The following ADCY2 variants were observed in gnomAD, a reference collection of about 807,000 sequenced individuals.
The protein encoded by ADCY2 is adenylate cyclase type 2.
In ADCY2, 31 loss-of-function variants were observed where a neutral mutation model predicts 125.2. That is an observed-to-expected ratio of 0.25 (90% CI 0.19 to 0.33). The LOEUF is 0.33. ADCY2 is among the 10% of genes least tolerant of loss of function. The pLI, the probability that ADCY2 is intolerant of heterozygous loss-of-function variation, is 1.00. For synonymous variants in ADCY2, 512 were observed against 548.4 expected (o/e 0.93, Z 0.93); for missense variants, 904 against 1,418.2 (o/e 0.64, Z 5.82).
intron 23 of ADCY2, 143 bp from the exon 24 acceptor site, chr5:7,820,422 A>T: frequency 1.0e-6 from 1 of 976,882 alleles, no homozygotes; most frequent in Non-Finnish European, 1.5e-6. Flanking sequence ...TGAGCCTGGG[A>T]GGTGAAGGTT....
intron 7 of ADCY2, among the ~76,000 whole-genome samples, chr5:7,699,413 A>T (rs1445117614): frequency 6.6e-6 from 1 of 151,812 alleles, no homozygotes; most frequent in African/African-American, 2.4e-5. Context: ...CATTTTTTTT[A>T]ACTGTCTAAC....
chr5:7,463,166 C>A (rs1419868546), intron 2 of ADCY2, among the ~76,000 whole-genome samples: 8 of 152,088 alleles, frequency 5.3e-5, no homozygotes, highest in Non-Finnish European at 7.4e-5. Flanking sequence ...CTTTTGAAAC[C>A]AAATACAGTA....
intron 4 of ADCY2, among the ~76,000 whole-genome samples, chr5:7,640,454 T>C (rs753903296): frequency 3.3e-5 from 5 of 152,314 alleles, no homozygotes; most frequent in Non-Finnish European, 5.9e-5. Flanking sequence ...TATAGAGCAA[T>C]GTACTTCATC....
At chr5:7,421,579 A>G (rs1011069446) in intron 2 of ADCY2, among the ~76,000 whole-genome samples, 2 of 152,208 alleles carry the variant, frequency 1.3e-5, no homozygotes, top group African/African-American at 4.8e-5. Context: ...TACAGTCACA[A>G]GTACTGGGGT....
At chr5:7,677,464 G>A (rs1740171813) in intron 4 of ADCY2, among the ~76,000 whole-genome samples, 1 of 152,250 alleles carries the variant, frequency 6.6e-6, no homozygotes, top group Admixed American at 6.5e-5. Context: ...CAGGAAATAG[G>A]GTAGTGACTG....
chr5:7,714,142 A>G (rs948169490), intron 11 of ADCY2, among the ~76,000 whole-genome samples: 4 of 152,224 alleles, frequency 2.6e-5, no homozygotes, highest in Non-Finnish European at 5.9e-5. Flanking sequence ...TACTGTAATA[A>G]AGAGAACTTA....
intron 14 of ADCY2, among the ~76,000 whole-genome samples, chr5:7,730,032 T>A (rs979557488): frequency 2.0e-4 from 31 of 152,084 alleles, no homozygotes; most frequent in Non-Finnish European, 3.4e-4. Flanking sequence ...TGCACTCCTC[T>A]CCTACCCTTC....
At chr5:7,628,082 G>A (rs1003998399) in intron 4 of ADCY2, among the ~76,000 whole-genome samples, 3 of 152,068 alleles carry the variant, frequency 2.0e-5, no homozygotes, top group Non-Finnish European at 4.4e-5. Context: ...TTTCAGTAAC[G>A]TTTTACATCT....
chr5:7,698,184 C>T (rs1740956308), intron 6 of ADCY2, 63 bp from the exon 7 acceptor site: 2 of 1,601,240 alleles, frequency 1.2e-6, no homozygotes, highest in Non-Finnish European at 1.7e-6. Flanking sequence ...GATGATATTA[C>T]ATGAATCTAG....
chr5:7,696,199 A>G (rs955496742), intron 6 of ADCY2, among the ~76,000 whole-genome samples: 2 of 152,192 alleles, frequency 1.3e-5, no homozygotes, highest in African/African-American at 2.4e-5. Context: ...TCTTTTAGGC[A>G]TTTCCATGTC....
chr5:7,513,441 A>C lies in ADCY2; in HGVS notation c.409-7297A>C, dbSNP rs183276991. 4.4e-3 allele frequency among the ~76,000 whole-genome samples: 669 copies of C among 152,318 alleles called. 4 individuals are homozygous for C. The highest frequency in any genetic ancestry group is 0.015 in the South Asian group (71 of 4,816). The stretch of plus-strand genomic sequence containing the variant: ...GCAGATTTTGTTATCGAAAATGTTA[A>C]AGTACATTTCCACTATACAGCTTTC... On this transcript the variant is annotated intron_variant, in intron 2 of 24. Transcript: ENST00000338316.
chr5:7,721,202 G>C (rs574117010), intron 12 of ADCY2, among the ~76,000 whole-genome samples: 1 of 152,310 alleles, frequency 6.6e-6, no homozygotes, highest in African/African-American at 2.4e-5. Context: ...CTTCTTTTGA[G>C]AAGTGTCTGT....
At chr5:7,456,654 C>T (rs1356949890) in intron 2 of ADCY2, among the ~76,000 whole-genome samples, 1 of 152,086 alleles carries the variant, frequency 6.6e-6, no homozygotes, top group East Asian at 1.9e-4. Flanking sequence ...CTATTCTTTA[C>T]ACTGTTTTAA....
chr5:7,742,133 A>ACCCCC lies in ADCY2; in HGVS notation c.1872-1535_1872-1534insCCCCC, dbSNP rs1268219120. Among the ~76,000 whole-genome samples the ACCCCC allele has an allele frequency of 6.6e-3, 1,008 of 151,880 alleles. 5 individuals are homozygous for ACCCCC. Among genetic ancestry groups the ACCCCC allele is most frequent in the Non-Finnish European group, 0.011 (721 of 67,932 alleles). On this transcript the variant is annotated intron_variant, in intron 14 of 24. Transcript: ENST00000338316. Reference sequence around the variant, plus strand: ...AGCTAGGAGAGCATAGTGCCCAAAAAAAAAAAAAAAACCTGTCAGAGCTCC... The same window carrying ACCCCC: ...AGCTAGGAGAGCATAGTGCCCAAAAACCCCCAAAAAAAAAAACCTGTCAGAGCTCC...
chr5:7,814,323 G>A (rs2126534819), intron 22 of ADCY2, among the ~76,000 whole-genome samples: 1 of 152,188 alleles, frequency 6.6e-6, no homozygotes, highest in Admixed American at 6.5e-5. Flanking sequence ...TCTCAACTGG[G>A]AGCAATTTTA....
At chr5:7,498,923 A>G (rs984659841) in intron 2 of ADCY2, among the ~76,000 whole-genome samples, 1 of 152,224 alleles carries the variant, frequency 6.6e-6, no homozygotes, top group East Asian at 1.9e-4. Context: ...AAAGCCAAGC[A>G]TAAAAGGATA....
intron 2 of ADCY2, among the ~76,000 whole-genome samples, chr5:7,488,529 A>G (rs753568407): frequency 1.3e-4 from 19 of 151,912 alleles, no homozygotes; most frequent in Non-Finnish European, 2.4e-4. Context: ...CACTTCTCCT[A>G]CTTAGCTCTC....
At chr5:7,710,093 C>T (rs942935714) in intron 10 of ADCY2, among the ~76,000 whole-genome samples, 2 of 152,230 alleles carry the variant, frequency 1.3e-5, no homozygotes. Flanking sequence ...TACAGTATTA[C>T]ATAATTCTTA....
intron 3 of ADCY2, among the ~76,000 whole-genome samples, chr5:7,544,702 G>A (rs1169246884): frequency 9.9e-5 from 15 of 152,212 alleles, no homozygotes; most frequent in Non-Finnish European, 2.9e-5. Context: ...TGGACATCTT[G>A]TGGGGAGATT....
Sources: gnomAD v4.1 joint callset for allele counts (sites outside exome capture counted in the v4.1 genomes callset) on GRCh38, gnomAD v4.1.1 for gene constraint, MANE v1.5 for transcripts, NCBI Gene and HGNC (gene_info 2026-07-23, HGNC 2026-07-21) for gene names.